The following RUNX1 variants were observed in gnomAD, a reference collection of about 807,000 sequenced individuals.
The protein encoded by RUNX1 is RUNX family transcription factor 1, also known as runt-related transcription factor 1.
In RUNX1, 19 loss-of-function variants were observed where a neutral mutation model predicts 42.8. That is an observed-to-expected ratio of 0.44 (90% CI 0.31 to 0.65). The LOEUF is 0.65. Ranked by LOEUF, RUNX1 falls within the 30% of genes least tolerant of loss-of-function variation. RUNX1 has a pLI of 0.07. For synonymous variants in RUNX1, 271 were observed against 289.4 expected (o/e 0.94, Z 0.64); for missense variants, 528 against 672.0 (o/e 0.79, Z 2.37).
intron 2 of RUNX1, among the ~76,000 whole-genome samples, chr21:34,980,623 C>A (rs994823319): frequency 6.6e-5 from 10 of 152,108 alleles, no homozygotes; most frequent in African/African-American, 2.4e-4. Context: ...CTCTGCTATC[C>A]CGAGGGAAAC....
intron 2 of RUNX1, among the ~76,000 whole-genome samples, chr21:35,016,563 C>G (rs1437619337): frequency 6.6e-6 from 1 of 152,122 alleles, no homozygotes; most frequent in African/African-American, 2.4e-5. Context: ...TAAACTCAGG[C>G]AAATTATAAA....
chr21:35,038,637 G>GTA lies in RUNX1; in HGVS notation c.58+10204_58+10205insTA, dbSNP rs1568806727. ...TCTGTGTGTGTGTGTGTGTGTGTGT[G>GTA]TGTGTGTGTGAGATAGAGAGAGAGA... On this transcript the variant is annotated intron_variant, in intron 2 of 8. Transcript: ENST00000675419. 3 of 454,076 alleles carry GTA rather than the reference G, an allele frequency of 6.6e-6. No homozygotes were observed. The Admixed American group carries it at 7.1e-5, about 11-fold the overall frequency. 28.1% of individuals were successfully genotyped at this position (454,076 alleles called of 1,614,324 possible).
chr21:34,792,318 G>A lies in RUNX1; in HGVS notation c.1260C>T (p.Gly420=), dbSNP rs2145874515. The change falls in exon 9 of 9, where the codon GGC becomes GGT. Residue 420 remains glycine, a synonymous_variant. Transcript: ENST00000675419. The surrounding 1 kb of genome is among the most constrained non-coding windows in gnomAD (Gnocchi z 6.9). ...SAGSYQFSMV[G]GERSPPRILP... is the part of the protein sequence containing the mutation. ...GGATGCGCGGCGGCGAGCGCTCGCC[G>A]CCCACCATGGAGAACTGGTAGGAGC... 6.8e-7 allele frequency: 1 copy of A among 1,470,132 alleles called. No individual in the cohort carries two copies. Among genetic ancestry groups the A allele is most frequent in the Non-Finnish European group, 9.1e-7 (1 of 1,099,470 alleles). The allele number at this position is 1,470,132 out of a possible 1,614,324, so 91.1% of individuals were successfully genotyped here. A position where few individuals can be genotyped will look rare whatever the true frequency, so the allele number is the denominator to read the frequency against.
At chr21:34,882,962 G>A (rs2057927941) in intron 4 of RUNX1, among the ~76,000 whole-genome samples, 1 of 152,104 alleles carries the variant, frequency 6.6e-6, no homozygotes, top group Non-Finnish European at 1.5e-5. Flanking sequence ...ACTCATTGTT[G>A]GGTCTGGATC....
intron 7 of RUNX1, among the ~76,000 whole-genome samples, chr21:34,819,531 G>A (rs754630648): frequency 2.0e-5 from 3 of 152,242 alleles, no homozygotes; most frequent in Non-Finnish European, 4.4e-5. Context: ...GCCTCTGAAA[G>A]AAGGGCATTT....
intron 2 of RUNX1, among the ~76,000 whole-genome samples, chr21:35,024,778 T>A (rs1490442368): frequency 6.6e-6 from 1 of 152,242 alleles, no homozygotes; most frequent in African/African-American, 2.4e-5. Flanking sequence ...AACTTGACAT[T>A]CTTTTCTAGT....
At chr21:34,939,801 G>A (rs1181725284) in intron 2 of RUNX1, among the ~76,000 whole-genome samples, 1 of 152,172 alleles carries the variant, frequency 6.6e-6, no homozygotes, top group East Asian at 1.9e-4. Flanking sequence ...GAAAGTTCTG[G>A]AACATTTCAA....
intron 7 of RUNX1, among the ~76,000 whole-genome samples, chr21:34,802,124 TAATA>T (rs1484966120): frequency 6.6e-6 from 1 of 152,182 alleles, no homozygotes; most frequent in African/African-American, 2.4e-5. Context: ...GTGCCTGTAA[TAATA>T]AATTTGTGTA....
intron 2 of RUNX1, among the ~76,000 whole-genome samples, chr21:34,974,103 C>G (rs1181659287): frequency 6.6e-6 from 1 of 152,122 alleles, no homozygotes; most frequent in African/African-American, 2.4e-5. Flanking sequence ...CAAAAATTTT[C>G]TTCTCTGTTT....
At chr21:35,037,485 G>T (rs2059317166) in intron 2 of RUNX1, among the ~76,000 whole-genome samples, 1 of 152,210 alleles carries the variant, frequency 6.6e-6, no homozygotes, top group South Asian at 2.1e-4. Flanking sequence ...GTCGCCTCCT[G>T]TCCATGGGGC....
intron 2 of RUNX1, among the ~76,000 whole-genome samples, chr21:35,016,727 C>T (rs996560529): frequency 2.0e-5 from 3 of 152,096 alleles, no homozygotes; most frequent in African/African-American, 7.2e-5. Context: ...GGGACCAAGA[C>T]AGGAATGCTG....
At chr21:34,977,601 T>C (rs1370083868) in intron 2 of RUNX1, among the ~76,000 whole-genome samples, 1 of 152,264 alleles carries the variant, frequency 6.6e-6, no homozygotes, top group Non-Finnish European at 1.5e-5. Context: ...CTTTAAACTG[T>C]CATTACAACA....
At chr21:35,023,769 C>T (rs896160371) in intron 2 of RUNX1, among the ~76,000 whole-genome samples, 9 of 152,168 alleles carry the variant, frequency 5.9e-5, no homozygotes, top group African/African-American at 1.7e-4. Flanking sequence ...ACAGGAGTGA[C>T]GGCTCACAAG....
intron 5 of RUNX1, among the ~76,000 whole-genome samples, chr21:34,860,183 T>C (rs1470764375): frequency 6.6e-6 from 1 of 152,228 alleles, no homozygotes; most frequent in East Asian, 1.9e-4. Flanking sequence ...GACTTAAGTA[T>C]ATGTAACTGA....
chr21:34,891,710 A>ATT (rs1569089791), intron 3 of RUNX1, among the ~76,000 whole-genome samples: 1 of 151,090 alleles, frequency 6.6e-6, no homozygotes, highest in African/African-American at 2.5e-5. Flanking sequence ...GCAAAATTAA[A>ATT]AAAAAAAAAA....
chr21:34,830,930 C>T (rs972073486), intron 7 of RUNX1, among the ~76,000 whole-genome samples: 1 of 152,258 alleles, frequency 6.6e-6, no homozygotes, highest in South Asian at 2.1e-4. Flanking sequence ...ATTACTCCAT[C>T]CTCATATTCC....
intron 7 of RUNX1, among the ~76,000 whole-genome samples, chr21:34,831,077 C>A (rs2146052079): frequency 6.6e-6 from 1 of 152,226 alleles, no homozygotes; most frequent in South Asian, 2.1e-4. Flanking sequence ...GCATCGGTAC[C>A]ACTAGCTCTA....
chr21:34,882,192 A>G (rs941389287), intron 4 of RUNX1, among the ~76,000 whole-genome samples: 3 of 152,228 alleles, frequency 2.0e-5, no homozygotes, highest in African/African-American at 7.2e-5. Context: ...ACTCACTTGT[A>G]TGATATCGAA....
At position 34,792,036 on chromosome 21, in the gene RUNX1, G is replaced by C. The variant is rs1342094015; in HGVS notation, c.*99C>G. On this transcript the variant is annotated 3_prime_UTR_variant, in exon 9 of 9. Coordinates refer to ENST00000675419, the MANE Select transcript of RUNX1 (RefSeq NM_001754.5). The surrounding 1 kb of genome is among the most constrained non-coding windows in gnomAD (Gnocchi z 6.9). ...GGCCCCAGGACGGTGGCCGGGCCCA[G>C]GGCCCGGGATCCCGGCGGGCTTGTC... The C allele has an allele frequency of 1.0e-5, 8 of 777,924 alleles. No homozygotes were observed. The East Asian group carries it at 3.1e-4, about 30-fold the overall frequency. The allele number at this position is 777,924 out of a possible 1,614,324, so 48.2% of individuals were successfully genotyped here.
Sources: allele counts gnomAD v4.1 joint callset (sites outside exome capture counted in the v4.1 genomes callset), GRCh38; gene constraint gnomAD v4.1.1; non-coding constraint Gnocchi (gnomAD v3.1); transcripts MANE v1.5; gene names NCBI Gene and HGNC (gene_info 2026-07-23, HGNC 2026-07-21).